SYT17: variants seen among roughly 807,000 people sequenced by gnomAD.
The protein encoded by SYT17 is synaptotagmin-17.
Under a neutral mutation model 46.7 loss-of-function variants are expected in SYT17, and 22 were observed. The observed-to-expected ratio is 0.47, with a 90% confidence interval of 0.34 to 0.67. SYT17 has a LOEUF of 0.67. Ranked by LOEUF, SYT17 falls within the 30% of genes least tolerant of loss-of-function variation. The probability of loss-of-function intolerance (pLI) is 0.01; values close to 1 mark genes in which losing one functional copy is unlikely to be tolerated. For synonymous variants in SYT17, 251 were observed against 248.4 expected (o/e 1.01, Z -0.10); for missense variants, 519 against 612.8 (o/e 0.85, Z 1.62).
At chr16:19,224,536 A>G (rs1966432552) in intron 6 of SYT17, 147 bp from the exon 7 acceptor site, 2 of 803,268 alleles carry the variant, frequency 2.5e-6, no homozygotes, top group South Asian at 1.8e-5. Context: ...TGGACGGACT[A>G]TGAGATGAAT....
chr16:19,264,950 A>G (rs1969262593), intron 7 of SYT17, among the ~76,000 whole-genome samples: 1 of 152,168 alleles, frequency 6.6e-6, no homozygotes, highest in African/African-American at 2.4e-5. Context: ...CCCATTTAGA[A>G]GGGAAGTTTC....
intron 5 of SYT17, among the ~76,000 whole-genome samples, chr16:19,187,810 C>T (rs1372458995): frequency 6.6e-6 from 1 of 152,142 alleles, no homozygotes; most frequent in African/African-American, 2.4e-5. Context: ...GTCAGAATGG[C>T]TACTATTAAA....
intron 7 of SYT17, among the ~76,000 whole-genome samples, chr16:19,265,728 G>A (rs960892658): frequency 6.6e-6 from 1 of 152,230 alleles, no homozygotes; most frequent in African/African-American, 2.4e-5. Flanking sequence ...GAGATGGCAT[G>A]CCTGGACTAC....
intron 5 of SYT17, among the ~76,000 whole-genome samples, chr16:19,189,969 G>A (rs1332956197): frequency 1.3e-5 from 2 of 152,198 alleles, no homozygotes; most frequent in African/African-American, 4.8e-5. Context: ...TTGGCATTCA[G>A]GAAACTGGCA....
intron 7 of SYT17, among the ~76,000 whole-genome samples, chr16:19,226,594 A>C (rs1052990824): frequency 2.6e-5 from 4 of 152,194 alleles, no homozygotes; most frequent in Non-Finnish European, 4.4e-5. Flanking sequence ...CTTCTAATGC[A>C]GTCTGTGATG....
At position 19,183,408 on chromosome 16, in the gene SYT17, G is replaced by A; in HGVS notation, c.332-120G>A. The A allele has an allele frequency of 7.3e-7, 1 of 1,379,174 alleles. No individual in the cohort carries two copies. Among genetic ancestry groups the A allele is most frequent in the African/African-American group, 1.4e-5 (1 of 69,546 alleles). The allele number at this position is 1,379,174 out of a possible 1,614,324, so 85.4% of individuals were successfully genotyped here. A position where few individuals can be genotyped will look rare whatever the true frequency, so the allele number is the denominator to read the frequency against. On this transcript the variant is annotated intron_variant, in intron 4 of 7. Coordinates refer to ENST00000355377, the MANE Select transcript of SYT17 (RefSeq NM_016524.4). The surrounding 1 kb of genome is among the most constrained non-coding windows in gnomAD (Gnocchi z 5.6). The stretch of plus-strand genomic sequence containing the variant: ...ATCAGTGAGTATTTCAGAGTGTGGA[G>A]AAAGATGGCAAAGGTCATTCTGAAG...
At chr16:19,259,334 C>G (rs1016779525) in intron 7 of SYT17, among the ~76,000 whole-genome samples, 1 of 152,192 alleles carries the variant, frequency 6.6e-6, no homozygotes, top group African/African-American at 2.4e-5. Flanking sequence ...ACTGTGTTTG[C>G]TACCAAAATT....
chr16:19,236,755 G>A (rs1265819488), intron 7 of SYT17, among the ~76,000 whole-genome samples: 2 of 152,172 alleles, frequency 1.3e-5, no homozygotes, highest in East Asian at 1.9e-4. Context: ...CTCAGTCACT[G>A]TGTGTGACAA....
chr16:19,201,601 C>T (rs1965466960), intron 5 of SYT17, among the ~76,000 whole-genome samples: 1 of 141,184 alleles, frequency 7.1e-6, no homozygotes, highest in South Asian at 2.3e-4. Flanking sequence ...GTGCCATTTT[C>T]AATAATAGGG....
intron 5 of SYT17, among the ~76,000 whole-genome samples, chr16:19,221,490 T>C (rs1966315923): frequency 6.6e-6 from 1 of 152,210 alleles, no homozygotes; most frequent in Admixed American, 6.5e-5. Flanking sequence ...TAAAATGTGA[T>C]GTGGGGCAAA....
Position 19,252,428 on chromosome 16 carries a change from CAT to C in SYT17, c.1229-14444_1229-14443del, listed in dbSNP as rs1319490287. On this transcript the variant is annotated intron_variant, in intron 7 of 7. Transcript: ENST00000355377. ...ACATATATATATACATATATATATA[CAT>C]ATATATACATATATATACACATATA... is the stretch of plus-strand genomic sequence containing the variant. 4.3e-3 allele frequency among the ~76,000 whole-genome samples: 96 copies of C among 22,534 alleles called. 39 individuals carry two copies. The highest frequency in any genetic ancestry group is 0.028 in the African/African-American group (71 of 2,532). 14.8% of individuals were successfully genotyped at this position (22,534 alleles called of 152,430 possible).
chr16:19,242,559 C>G (rs1567228797), intron 7 of SYT17, among the ~76,000 whole-genome samples: 1 of 152,010 alleles, frequency 6.6e-6, no homozygotes, highest in Admixed American at 6.6e-5. Flanking sequence ...GGGTCTCACT[C>G]TGTTGCCCAG....
intron 5 of SYT17, among the ~76,000 whole-genome samples, chr16:19,202,806 A>G (rs1315383911): frequency 6.6e-6 from 1 of 152,170 alleles, no homozygotes; most frequent in Non-Finnish European, 1.5e-5. Context: ...GGCTCACTGC[A>G]GCCTTGACCT....
chr16:19,199,987 G>C (rs1965398453), intron 5 of SYT17, among the ~76,000 whole-genome samples: 1 of 152,200 alleles, frequency 6.6e-6, no homozygotes, highest in South Asian at 2.1e-4. Context: ...CTATTGTACA[G>C]ATAAGAAAAC....
At chr16:19,217,946 C>G (rs1014692482) in intron 5 of SYT17, among the ~76,000 whole-genome samples, 4 of 152,190 alleles carry the variant, frequency 2.6e-5, no homozygotes, top group Non-Finnish European at 5.9e-5. Flanking sequence ...TGCTTGATGT[C>G]TGGGATTGCT....
intron 7 of SYT17, among the ~76,000 whole-genome samples, chr16:19,252,647 G>A (rs547900387): frequency 6.8e-6 from 1 of 147,524 alleles, no homozygotes; most frequent in African/African-American, 2.5e-5. Flanking sequence ...AAAGAAATGA[G>A]GCTGATTTCT....
chr16:19,199,295 A>G (rs572252236), intron 5 of SYT17, among the ~76,000 whole-genome samples: 3 of 152,316 alleles, frequency 2.0e-5, no homozygotes, highest in African/African-American at 7.2e-5. Flanking sequence ...CATTCTACAC[A>G]GGAGGAAACT....
chr16:19,223,150 G>A lies in SYT17; in HGVS notation c.1057G>A (p.Val353Met). Reference protein sequence around the residue: ...IRAKQLLQTDVSQGSDPFVKI... With the variant: ...IRAKQLLQTDMSQGSDPFVKI... ...AGCCAAGCAACTTCTTCAGACAGAT[G>A]TGAGCCAAGGTTCAGGTACCGTGTG... is the stretch of plus-strand genomic sequence containing the variant. Residue 353 changes from valine (V) to methionine (M), a missense_variant, in exon 6 of 8, where the codon GTG becomes ATG. Coordinates refer to ENST00000355377, the MANE Select transcript of SYT17 (RefSeq NM_016524.4). The A allele has an allele frequency of 6.2e-7, 1 of 1,613,846 alleles. No individual in the cohort carries two copies. The highest frequency in any genetic ancestry group is 8.5e-7 in the Non-Finnish European group (1 of 1,179,800).
intron 5 of SYT17, among the ~76,000 whole-genome samples, chr16:19,218,188 T>G (rs1053780359): frequency 2.0e-5 from 3 of 152,252 alleles, no homozygotes; most frequent in Non-Finnish European, 4.4e-5. Context: ...AAAGGTTTGC[T>G]GTAACAATCA....
Sources: allele counts gnomAD v4.1 joint callset (sites outside exome capture counted in the v4.1 genomes callset), GRCh38; gene constraint gnomAD v4.1.1; non-coding constraint Gnocchi (gnomAD v3.1); transcripts MANE v1.5; gene names NCBI Gene and HGNC (gene_info 2026-07-23, HGNC 2026-07-21).